Variants in TRAF5 observed in about 807,000 individuals in gnomAD.
TRAF5 encodes TNF receptor-associated factor 5.
In TRAF5, 48 loss-of-function variants were observed where a neutral mutation model predicts 64.5. That is an observed-to-expected ratio of 0.74 (90% CI 0.59 to 0.95). TRAF5 has a LOEUF of 0.95. Among genes scored for constraint, TRAF5 ranks in the 40% least tolerant of loss-of-function variants. The probability of loss-of-function intolerance (pLI) is 0.00; values close to 1 mark genes in which losing one functional copy is unlikely to be tolerated. For synonymous variants in TRAF5, 206 were observed against 240.5 expected, an observed-to-expected ratio of 0.86 and a Z score of 1.33; for missense variants, 545 against 662.8, an observed-to-expected ratio of 0.82 and a Z score of 1.95.
intron 8 of TRAF5, among the ~76,000 whole-genome samples, chr1:211,366,620 G>C (rs879934571): frequency 1.1e-4 from 17 of 152,186 alleles, no homozygotes; most frequent in Non-Finnish European, 2.1e-4. Context: ...AAGTAGGAAA[G>C]ATTCATCAGT....
At chr1:211,366,532 G>A (rs1703360755) in intron 8 of TRAF5, among the ~76,000 whole-genome samples, 1 of 152,158 alleles carries the variant, frequency 6.6e-6, no homozygotes, top group South Asian at 2.1e-4. Flanking sequence ...AACTCAGTCT[G>A]GGGTACAGAG....
intron 1 of TRAF5, among the ~76,000 whole-genome samples, chr1:211,350,282 A>T (rs1231470443): frequency 2.2e-5 from 3 of 135,936 alleles, no homozygotes; most frequent in Admixed American, 7.5e-5. Flanking sequence ...TGGCATAATC[A>T]TGACTCGCTG....
At chr1:211,363,930 A>G (rs1703266316) in intron 7 of TRAF5, among the ~76,000 whole-genome samples, 1 of 151,574 alleles carries the variant, frequency 6.6e-6, no homozygotes, top group Admixed American at 6.6e-5. Flanking sequence ...AAAAAAAAAA[A>G]AAGCAGAATT....
At chr1:211,356,602 A>G (rs1473228323) in intron 4 of TRAF5, 134 bp downstream of exon 4, 1 of 770,340 alleles carries the variant, frequency 1.3e-6, no homozygotes, top group Non-Finnish European at 2.1e-6. Context: ...TTCCCAGTCT[A>G]GCAATACAGG....
intron 1 of TRAF5, among the ~76,000 whole-genome samples, chr1:211,327,467 C>G (rs1325962484): frequency 6.6e-6 from 1 of 152,210 alleles, no homozygotes; most frequent in Non-Finnish European, 1.5e-5. Flanking sequence ...CCCCCCTCCC[C>G]CAGAAGGCGA....
intron 4 of TRAF5, chr1:211,357,290 C>G (rs533894907): frequency 6.6e-6 from 1 of 152,354 alleles, no homozygotes; most frequent in East Asian, 1.9e-4. Context: ...TCTATCACAC[C>G]TCCAAATCCC....
rs1217276695 is a variant in TRAF5, at chr1:211,331,255, T to TG, written c.-2+4366_-2+4367insG. On this transcript the variant is annotated intron_variant, in intron 1 of 10. Transcript: ENST00000261464. ...CTTTTCATGCTGCTGCAGAGGGGCC[T>TG]CTTTAATACATAGCCTAGTCAAAAC... Among the ~76,000 whole-genome samples, 9 of 152,196 alleles carry TG rather than the reference T, an allele frequency of 5.9e-5. No individual in the cohort carries two copies. In the East Asian group the frequency reaches 7.7e-4, roughly 13 times the overall value.
intron 8 of TRAF5, among the ~76,000 whole-genome samples, chr1:211,368,229 G>A (rs1480710773): frequency 6.6e-6 from 1 of 152,102 alleles, no homozygotes; most frequent in Non-Finnish European, 1.5e-5. Context: ...GTCACGTAGG[G>A]CCCAGTGTCA....
At chr1:211,341,850 C>T (rs1013133412) in intron 1 of TRAF5, among the ~76,000 whole-genome samples, 9 of 152,004 alleles carry the variant, frequency 5.9e-5, no homozygotes, top group Non-Finnish European at 7.4e-5. Context: ...ATGTTTAGCG[C>T]GAGATAGTCC....
At chr1:211,338,195 A>G (rs1408398059) in intron 1 of TRAF5, among the ~76,000 whole-genome samples, 1 of 152,198 alleles carries the variant, frequency 6.6e-6, no homozygotes. Context: ...CTACTGAGAG[A>G]TCATGATACT....
At position 211,372,749 on chromosome 1, in the gene TRAF5, G is replaced by C. The variant is rs1431032245; in HGVS notation, c.*47G>C. 2 of 1,508,618 alleles carry C rather than the reference G, an allele frequency of 1.3e-6. No homozygotes were observed. Among genetic ancestry groups the C allele is most frequent in the East Asian group, 4.5e-5 (2 of 44,200 alleles). The allele number at this position is 1,508,618 out of a possible 1,614,324, so 93.5% of individuals were successfully genotyped here. A position where few individuals can be genotyped will look rare whatever the true frequency, so the allele number is the denominator to read the frequency against. On this transcript the variant is annotated 3_prime_UTR_variant, in exon 11 of 11. Transcript: ENST00000261464. ...AGGACTTCTTGGGGCCAGAACTGTGGAGGAGAGCACATTTGATTATCATAT... is the reference window on the plus strand; with the variant it reads ...AGGACTTCTTGGGGCCAGAACTGTGCAGGAGAGCACATTTGATTATCATAT...
intron 8 of TRAF5, among the ~76,000 whole-genome samples, chr1:211,367,992 C>G (rs1703408103): frequency 6.6e-6 from 1 of 151,780 alleles, no homozygotes; most frequent in African/African-American, 2.4e-5. Flanking sequence ...AGAATATGGA[C>G]AGGGTATCAT....
chr1:211,372,089 G>A, intron 10 of TRAF5, 39 bp from the exon 11 acceptor site: 3 of 1,477,338 alleles, frequency 2.0e-6, no homozygotes, highest in Non-Finnish European at 2.7e-6. Context: ...TAACTTTTAG[G>A]CCTATGGAAT....
chr1:211,328,394 G>C (rs967633736), intron 1 of TRAF5, among the ~76,000 whole-genome samples: 9 of 152,232 alleles, frequency 5.9e-5, no homozygotes, highest in African/African-American at 2.2e-4. Context: ...AGAGGCAGGA[G>C]AAAGTGTCTG....
At chr1:211,354,350 C>G (rs1702892750) in intron 2 of TRAF5, 60 bp from the exon 3 acceptor site, 1 of 1,551,806 alleles carries the variant, frequency 6.4e-7, no homozygotes, top group African/African-American at 1.4e-5. Flanking sequence ...TGGGGCTGGT[C>G]TTGGAAATGC....
chr1:211,345,068 G>T, intron 1 of TRAF5, among the ~76,000 whole-genome samples: 1 of 152,172 alleles, frequency 6.6e-6, no homozygotes, highest in Non-Finnish European at 1.5e-5. Context: ...ACAGGCATGC[G>T]CCACCATGCC....
chr1:211,343,319 G>T (rs1441191618), intron 1 of TRAF5, among the ~76,000 whole-genome samples: 1 of 152,068 alleles, frequency 6.6e-6, no homozygotes, highest in Non-Finnish European at 1.5e-5. Context: ...AACCTTGGAG[G>T]GGCAGGGAGG....
At position 211,372,565 on chromosome 1, in the gene TRAF5, G is replaced by A; in HGVS notation, c.1537G>A (p.Gly513Arg). 1.9e-6 allele frequency: 3 copies of A among 1,614,156 alleles called. No homozygotes were observed. Among genetic ancestry groups the A allele is most frequent in the Non-Finnish European group, 2.5e-6 (3 of 1,180,012 alleles). ...TAGCAGCAGCTTTAAAAGACCTGATGGGGAGATGAACATTGCATCTGGCTG... is the reference window on the plus strand; with the variant it reads ...TAGCAGCAGCTTTAAAAGACCTGATAGGGAGATGAACATTGCATCTGGCTG... ...PNSSSFKRPD[G>R]EMNIASGCPR... is the part of the protein sequence containing the mutation. The change falls in exon 11 of 11, where the codon GGG becomes AGG. Residue 513 changes from glycine (G) to arginine (R), a missense_variant. By Grantham distance (125) the Gly-to-Arg change is moderately radical (BLOSUM62 -2). Transcript: ENST00000261464.
chr1:211,372,448 T>C lies in TRAF5; in HGVS notation c.1420T>C (p.Leu474=). The C allele has an allele frequency of 6.2e-7, 1 of 1,614,164 alleles. No homozygotes were observed. The highest frequency in any genetic ancestry group is 1.1e-5 in the South Asian group (1 of 91,084). Residue 474 remains leucine (L), a synonymous_variant, in exon 11 of 11, where the codon TTG becomes CTG. Transcript: ENST00000261464. ...CATGCGAGGAGAGTTTGACTCACTG[T>C]TGCAGTGGCCATTCAGGCAGAGGGT... ...VVMRGEFDSL[L]QWPFRQRVTL...
Sources: gnomAD v4.1 joint callset for allele counts (sites outside exome capture counted in the v4.1 genomes callset) on GRCh38, gnomAD v4.1.1 for gene constraint, MANE v1.5 for transcripts, NCBI Gene and HGNC (gene_info 2026-07-23, HGNC 2026-07-21) for gene names.